The following OGG1 variants were observed in gnomAD, a reference collection of about 807,000 sequenced individuals.
The protein encoded by OGG1 is N-glycosylase/DNA lyase.
OGG1 carries 35 observed loss-of-function variants against 42.3 expected under a neutral mutation model. The observed-to-expected ratio is 0.83, with a 90% CI of 0.63 to 1.10. The LOEUF (loss-of-function observed/expected upper bound fraction) is 1.10. Ranked by LOEUF, OGG1 falls within the 50% of genes least tolerant of loss-of-function variation. The pLI is 0.00. For synonymous variants in OGG1, 189 were observed against 179.0 expected (o/e 1.06, Z -0.44); for missense variants, 484 against 446.7 (o/e 1.08, Z -0.75).
At chr3:9,756,339 T>G in intron 4 of OGG1, 132 bp from the exon 5 acceptor site, 1 of 858,444 alleles carries the variant, frequency 1.2e-6, no homozygotes, top group Non-Finnish European at 1.9e-6. Context: ...ATAGATAGTA[T>G]CTGTTGATTG....
At chr3:9,761,713 G>A, downstream of OGG1, 1 of 1,614,182 alleles carries the variant, frequency 6.2e-7, no homozygotes, top group Non-Finnish European at 8.5e-7. Flanking sequence ...CGGAGATCAT[G>A]ATTTTGGAGT....
chr3:9,786,122 G>C (rs1465440289), intron 3 of OGG1, among the ~76,000 whole-genome samples: 1 of 152,114 alleles, frequency 6.6e-6, no homozygotes, highest in Non-Finnish European at 1.5e-5. Flanking sequence ...TGTATTTTTA[G>C]TAGAGACGGG....
intron 3 of OGG1, among the ~76,000 whole-genome samples, chr3:9,752,552 A>AAAAG (rs1553700331): frequency 6.9e-6 from 1 of 145,142 alleles, no homozygotes; most frequent in Non-Finnish European, 1.5e-5. Context: ...AAAAAAAAAA[A>AAAAG]TTCAAGCTGG....
intron 2 of OGG1, among the ~76,000 whole-genome samples, chr3:9,772,824 C>T (rs57015485): frequency 2.0e-5 from 3 of 152,204 alleles, no homozygotes; most frequent in Non-Finnish European, 4.4e-5. Context: ...ACACAACACT[C>T]TCAGCCGGGC....
At chr3:9,762,814 C>T in intron 7 of OGG1, 1 of 1,170,160 alleles carries the variant, frequency 8.5e-7, no homozygotes, top group Non-Finnish European at 1.2e-6. Flanking sequence ...AAATCCAAGG[C>T]TCAGTGAGGG....
chr3:9,768,090 C>T (rs1332150957), downstream of OGG1, among the ~76,000 whole-genome samples: 1 of 152,162 alleles, frequency 6.6e-6, no homozygotes, highest in Non-Finnish European at 1.5e-5. Context: ...ACCCTGACTT[C>T]TGGCAGTACA....
chr3:9,787,407 T>C, intron 3 of OGG1: 1 of 1,535,170 alleles, frequency 6.5e-7, no homozygotes, highest in Admixed American at 2.1e-5. Flanking sequence ...ATTCATTCAT[T>C]CACTTACCTA....
chr3:9,751,401 T>C (rs1244721438), intron 2 of OGG1, among the ~76,000 whole-genome samples: 1 of 152,226 alleles, frequency 6.6e-6, no homozygotes, highest in Non-Finnish European at 1.5e-5. Context: ...ATCACCATAG[T>C]GAAGTGACAA....
chr3:9,790,023 C>T, downstream of OGG1: 2 of 1,514,716 alleles, frequency 1.3e-6, no homozygotes, highest in Non-Finnish European at 1.8e-6. Flanking sequence ...TATCTCTTTC[C>T]TCTAGTGAAT....
intron 2 of OGG1, 105 bp downstream of exon 2, chr3:9,751,297 C>T (rs768988089): frequency 2.1e-5 from 25 of 1,192,336 alleles, no homozygotes; most frequent in African/African-American, 3.0e-5. Flanking sequence ...ACTTCATAGG[C>T]TTTTATGAGG....
chr3:9,750,811 A>G (rs903631334), intron 1 of OGG1, 134 bp from the exon 2 acceptor site: 2 of 1,104,376 alleles, frequency 1.8e-6, no homozygotes, highest in African/African-American at 1.5e-5. Flanking sequence ...AGGTTTCGCC[A>G]TGTTGCTCAG....
chr3:9,766,072 A>G, exon 8 of OGG1: 1 of 1,565,568 alleles, frequency 6.4e-7, no homozygotes. Flanking sequence ...GGCCAGTCAA[A>G]GTAGTCTCTC....
intron 2 of OGG1, among the ~76,000 whole-genome samples, chr3:9,772,898 G>A (rs1263691726): frequency 6.6e-6 from 1 of 152,138 alleles, no homozygotes; most frequent in Non-Finnish European, 1.5e-5. Flanking sequence ...TTTTTTGGAT[G>A]CGTATACATA....
At chr3:9,779,603 T>C (rs1317188078) in intron 2 of OGG1, among the ~76,000 whole-genome samples, 2 of 151,992 alleles carry the variant, frequency 1.3e-5, no homozygotes, top group East Asian at 3.9e-4. Flanking sequence ...CATGTATACA[T>C]ATGTAACAAA....
downstream of OGG1, chr3:9,767,718 T>C: frequency 1.2e-6 from 2 of 1,614,106 alleles, no homozygotes; most frequent in Non-Finnish European, 1.7e-6. Context: ...CTCCGCCTGC[T>C]TCCACCTGGG....
downstream of OGG1, chr3:9,760,993 C>A (rs535413490): frequency 1.2e-4 from 66 of 557,778 alleles, no homozygotes; most frequent in African/African-American, 1.2e-3. Context: ...CTTGCCATTG[C>A]TTCTGCCTAT....
Position 9,757,018 on chromosome 3 carries a change from C to T in OGG1, c.949-43C>T, listed in dbSNP as rs1009928752. 9 of 1,613,576 alleles carry T rather than the reference C, an allele frequency of 5.6e-6. No homozygotes were observed. Among genetic ancestry groups the T allele is most frequent in the Non-Finnish European group, 7.6e-6 (9 of 1,180,036 alleles). ...TGTCACTAGTCTCACCAGCCCTGAC[C>T]CCAGTGTACCCTCCTCCCCACACAG... is the stretch of plus-strand genomic sequence containing the variant. On this transcript the variant is annotated intron_variant, in intron 6 of 6. Transcript: ENST00000344629. This position sits in a 1 kb window ranked among gnomAD's most constrained non-coding sequence, Gnocchi z 4.5.
chr3:9,780,004 G>C (rs983194324), intron 2 of OGG1: 3 of 192,262 alleles, frequency 1.6e-5, no homozygotes, highest in Admixed American at 1.2e-4. Flanking sequence ...TTATTCTTAA[G>C]TTTGCACTTT....
intron 2 of OGG1, among the ~76,000 whole-genome samples, chr3:9,773,326 G>A (rs1176792352): frequency 2.6e-5 from 4 of 151,668 alleles, no homozygotes; most frequent in Non-Finnish European, 5.9e-5. Context: ...TCAGGAGATC[G>A]AGACCATCCT....
Sources: allele counts gnomAD v4.1 joint callset (sites outside exome capture counted in the v4.1 genomes callset), GRCh38; gene constraint gnomAD v4.1.1; non-coding constraint Gnocchi (gnomAD v3.1); transcripts MANE v1.5; gene names NCBI Gene and HGNC (gene_info 2026-07-23, HGNC 2026-07-21).